The following DYSF variants were observed in gnomAD, a reference collection of about 807,000 sequenced individuals.
DYSF encodes dysferlin.
Under a neutral mutation model 274.9 loss-of-function variants are expected in DYSF, and 212 were observed. That is an observed-to-expected ratio of 0.77 (90% CI 0.69 to 0.86). The LOEUF is 0.86. DYSF is among the 40% of genes least tolerant of loss of function. The pLI is 0.00. For missense variants in DYSF, 2,666 were observed against 2,783.2 expected (o/e 0.96, Z 0.95); for synonymous variants, 1,091 against 1,078.7 (o/e 1.01, Z -0.22).
rs1417797236 is a variant in DYSF, at chr2:71,611,232, C to A, written c.3958-13C>A. The A allele has an allele frequency of 5.7e-6, 9 of 1,586,160 alleles. No homozygotes were observed. The highest frequency in any genetic ancestry group is 7.8e-6 in the Non-Finnish European group (9 of 1,154,648). ...TCCACCTTTGTCTCCATTCTACCTG[C>A]TGTCCACTGCAGTCTGAGGACACAG... On this transcript the variant is annotated splice_polypyrimidine_tract_variant and intron_variant, in intron 36 of 55. Transcript: ENST00000410020.
intron 14 of DYSF, among the ~76,000 whole-genome samples, chr2:71,531,566 C>T (rs759446372): frequency 6.6e-6 from 1 of 151,552 alleles, no homozygotes; most frequent in Non-Finnish European, 1.5e-5. Flanking sequence ...CAGAGAGTCT[C>T]AAAACATGGT....
chr2:71,493,671 G>A (rs2084085310), intron 3 of DYSF, among the ~76,000 whole-genome samples: 1 of 152,000 alleles, frequency 6.6e-6, no homozygotes. Flanking sequence ...GGCCAACATG[G>A]TGAAACCCCG....
intron 30 of DYSF, chr2:71,576,289 A>C (rs956813415): frequency 6.6e-6 from 1 of 152,406 alleles, no homozygotes; most frequent in Non-Finnish European, 1.5e-5. Flanking sequence ...GACGGTGACC[A>C]GAGCAGTAGG....
At chr2:71,566,201 G>A (rs2152808732) in intron 24 of DYSF, among the ~76,000 whole-genome samples, 1 of 148,550 alleles carries the variant, frequency 6.7e-6, no homozygotes, top group Middle Eastern at 3.4e-3. Flanking sequence ...GCTGACCGGG[G>A]AAGGCGGTCT....
intron 30 of DYSF, among the ~76,000 whole-genome samples, chr2:71,581,833 G>A (rs2092907562): frequency 1.3e-5 from 2 of 152,232 alleles, no homozygotes; most frequent in Admixed American, 1.3e-4. Flanking sequence ...GCCAAATCTG[G>A]CCCTCTGCCT....
At chr2:71,673,340 G>GATCT (rs1202556834) in intron 51 of DYSF, among the ~76,000 whole-genome samples, 2 of 152,230 alleles carry the variant, frequency 1.3e-5, no homozygotes, top group African/African-American at 4.8e-5. Context: ...TGAAGCCTCA[G>GATCT]TGGGAGGAAG....
intron 32 of DYSF, among the ~76,000 whole-genome samples, chr2:71,598,161 C>CCCTAGCA (rs553340667): frequency 6.6e-6 from 1 of 152,202 alleles, no homozygotes; most frequent in Non-Finnish European, 1.5e-5. Context: ...TATTCTCAGC[C>CCCTAGCA]CCTAGCACCT....
At chr2:71,505,222 G>A (rs779561168) in intron 4 of DYSF, among the ~76,000 whole-genome samples, 22 of 152,246 alleles carry the variant, frequency 1.4e-4, no homozygotes, top group Non-Finnish European at 2.4e-4. Flanking sequence ...TTGGGCTGGG[G>A]CTTCCTGCCT....
intron 1 of DYSF, among the ~76,000 whole-genome samples, chr2:71,456,605 A>AT (rs1356128483): frequency 6.6e-6 from 1 of 152,146 alleles, no homozygotes; most frequent in Non-Finnish European, 1.5e-5. Context: ...CATGATTATA[A>AT]TACCCTGTAG....
At chr2:71,679,910 T>G (rs2095275126) in intron 53 of DYSF, among the ~76,000 whole-genome samples, 2 of 152,152 alleles carry the variant, frequency 1.3e-5, no homozygotes, top group South Asian at 4.1e-4. Context: ...GTTTAGTCTC[T>G]CCAGTAATTA....
At chr2:71,527,744 C>T (rs1304696863) in intron 13 of DYSF, among the ~76,000 whole-genome samples, 2 of 152,118 alleles carry the variant, frequency 1.3e-5, no homozygotes, top group African/African-American at 4.8e-5. Context: ...GCTTTATACA[C>T]ATATGTATGT....
chr2:71,658,338 G>A (rs1039442174), intron 43 of DYSF, among the ~76,000 whole-genome samples: 3 of 152,114 alleles, frequency 2.0e-5, no homozygotes, highest in Non-Finnish European at 4.4e-5. Flanking sequence ...AAGTCTTTAG[G>A]AAGTTCCATA....
chr2:71,508,610 C>T (rs1219978174), intron 4 of DYSF, among the ~76,000 whole-genome samples: 1 of 152,134 alleles, frequency 6.6e-6, no homozygotes, highest in Non-Finnish European at 1.5e-5. Flanking sequence ...GGCTGTGTGT[C>T]TTGGGTGTGA....
chr2:71,656,214 T>C lies in DYSF; in HGVS notation c.4679T>C (p.Phe1560Ser), dbSNP rs1178735163. Residue 1560 changes from phenylalanine (F) to serine (S), a missense_variant, in exon 43 of 56, where the codon TTT (phenylalanine) becomes TCT (serine). This residue lies in a region of DYSF where 1,460 missense variants were observed against 1,502.1 expected (regional missense o/e 0.97). Transcript: ENST00000410020. ...GAGGCCTTTGAGGGCCTGTCTGACTTTTGTAACACCTTCAAGCTGTACCGG... is the reference window on the plus strand; with the variant it reads ...GAGGCCTTTGAGGGCCTGTCTGACTCTTGTAACACCTTCAAGCTGTACCGG... ...NVEAFEGLSD[F>S]CNTFKLYRGK... The C allele has an allele frequency of 6.2e-7, 1 of 1,614,180 alleles. No homozygotes were observed. The highest frequency in any genetic ancestry group is 1.1e-5 in the South Asian group (1 of 91,078).
At chr2:71,499,106 A>G (rs996837157) in intron 3 of DYSF, among the ~76,000 whole-genome samples, 2 of 152,234 alleles carry the variant, frequency 1.3e-5, no homozygotes, top group African/African-American at 4.8e-5. Flanking sequence ...TGATCTGCCC[A>G]GTTCTTGCTG....
At chr2:71,508,543 T>G (rs933464794) in intron 4 of DYSF, among the ~76,000 whole-genome samples, 4 of 152,232 alleles carry the variant, frequency 2.6e-5, no homozygotes, top group African/African-American at 9.6e-5. Context: ...TCCGGCCAAT[T>G]ATTTGTAGAA....
intron 30 of DYSF, among the ~76,000 whole-genome samples, chr2:71,585,558 C>T (rs2093037592): frequency 6.6e-6 from 1 of 152,144 alleles, no homozygotes; most frequent in African/African-American, 2.4e-5. Context: ...ACGCTGATGT[C>T]CACACCTGAA....
chr2:71,499,053 T>C (rs1189033221), intron 3 of DYSF, among the ~76,000 whole-genome samples: 1 of 152,270 alleles, frequency 6.6e-6, no homozygotes, highest in Non-Finnish European at 1.5e-5. Context: ...ACAGAAACTA[T>C]ATTTAAAAAC....
chr2:71,461,359 A>T (rs887784861), intron 1 of DYSF, among the ~76,000 whole-genome samples: 2 of 152,174 alleles, frequency 1.3e-5, no homozygotes, highest in Non-Finnish European at 2.9e-5. Flanking sequence ...TGAAGTATGA[A>T]TAGGTGGTTC....
Sources: gnomAD v4.1 joint callset for allele counts (sites outside exome capture counted in the v4.1 genomes callset) on GRCh38, gnomAD v4.1.1 for gene constraint, gnomAD v4.1.1 regional missense constraint, MANE v1.5 for transcripts, NCBI Gene and HGNC (gene_info 2026-07-23, HGNC 2026-07-21) for gene names.